The following TNRC6B variants were observed in gnomAD, a reference collection of about 807,000 sequenced individuals.
TNRC6B encodes trinucleotide repeat-containing gene 6B protein.
A neutral mutation model predicts 203.6 loss-of-function variants in TNRC6B; 52 were observed. That is an observed-to-expected ratio of 0.26 (90% confidence interval 0.20 to 0.32). TNRC6B has a LOEUF of 0.32. Ranked by LOEUF, TNRC6B falls within the 10% of genes least tolerant of loss-of-function variation. The pLI is 1.00. For synonymous variants in TNRC6B, 838 were observed against 845.7 expected, an observed-to-expected ratio of 0.99 and a Z score of 0.16; for missense variants, 1,923 against 2,286.2, an observed-to-expected ratio of 0.84 and a Z score of 3.24.
rs1375769527 is a variant in TNRC6B, at chr22:40,322,198, CTTTA to C, written c.5115-648_5115-645del. 3.9e-5 allele frequency among the ~76,000 whole-genome samples: 6 copies of C among 152,160 alleles called. No individual in the cohort carries two copies. The South Asian group carries it at 1.0e-3, about 26-fold the overall frequency. The stretch of plus-strand genomic sequence containing the variant: ...ATTTTTCTTTCCTTTTTATCTAAGG[CTTTA>C]TTTATTTTGTTTTAGAGCAGTTTTA... On this transcript the variant is annotated intron_variant, in intron 22 of 22. Transcript: ENST00000454349.
At chr22:40,132,178 T>A (rs1462239601) in intron 3 of TNRC6B, among the ~76,000 whole-genome samples, 1 of 152,072 alleles carries the variant, frequency 6.6e-6, no homozygotes, top group Non-Finnish European at 1.5e-5. Flanking sequence ...CAAAACCCCA[T>A]CTCTACTAAA....
At position 40,315,923 on chromosome 22, in the gene TNRC6B, T is replaced by C; in HGVS notation, c.4904-19T>C. 1 of 1,603,704 alleles carries C rather than the reference T, an allele frequency of 6.2e-7. No individual in the cohort carries two copies. Among genetic ancestry groups the C allele is most frequent in the Non-Finnish European group, 8.5e-7 (1 of 1,172,470 alleles). ...TTTGTTTTATTTCTCTTCCTAACCA[T>C]TTTTCTGGTTGCTCATAGCCTCTAC... is the stretch of plus-strand genomic sequence containing the variant. On this transcript the variant is annotated intron_variant, in intron 20 of 22. Coordinates refer to ENST00000454349, the MANE Select transcript of TNRC6B (RefSeq NM_001162501.2).
rs944873781 is a variant in TNRC6B at position 40,327,602 on chromosome 22, G to C, written c.*4361G>C. 2.0e-5 allele frequency: 3 copies of C among 152,460 alleles called. No homozygotes were observed. Among genetic ancestry groups the C allele is most frequent in the African/African-American group, 7.2e-5 (3 of 41,536 alleles). The allele number at this position is 152,460 out of a possible 1,614,324, so 9.4% of individuals were successfully genotyped here. On this transcript the variant is annotated 3_prime_UTR_variant, in exon 23 of 23. Coordinates refer to ENST00000454349, the MANE Select transcript of TNRC6B (RefSeq NM_001162501.2). Reference sequence around the variant, plus strand: ...AACTTGCTGGGAGCTTTGCTTTATTGGTTGGCAGTGACCTAAGAACAGGAT... The same window carrying C: ...AACTTGCTGGGAGCTTTGCTTTATTCGTTGGCAGTGACCTAAGAACAGGAT...
chr22:40,266,481 G>A lies in TNRC6B; in HGVS notation c.2251G>A (p.Glu751Lys). 6.2e-7 allele frequency: 1 copy of A among 1,613,808 alleles called. No homozygotes were observed. Among genetic ancestry groups the A allele is most frequent in the South Asian group, 1.1e-5 (1 of 91,070 alleles). ...GTCTTCTGGAAAGAATGGTTGGGGG[G>A]AGGAAGTCGATCAGACAAAAAACAG... Reference protein sequence around the residue: ...GWSSGKNGWGEEVDQTKNSNW... With the variant: ...GWSSGKNGWGKEVDQTKNSNW... The change falls in exon 5 of 23, where the codon GAG becomes AAG. Residue 751 changes from glutamate to lysine, a missense_variant. Glu to Lys is a moderately conservative substitution (Grantham distance 56, BLOSUM62 1). This residue lies in a region of TNRC6B where 599 missense variants were observed against 656.5 expected (regional missense o/e 0.91). Transcript: ENST00000454349.
intron 1 of TNRC6B, among the ~76,000 whole-genome samples, chr22:40,093,752 A>G (rs1054234452): frequency 2.6e-5 from 4 of 152,218 alleles, no homozygotes; most frequent in African/African-American, 7.2e-5. Context: ...TTGGAGTCAG[A>G]TAGTTTGAGC....
At chr22:40,254,177 C>T (rs2070235098) in intron 3 of TNRC6B, among the ~76,000 whole-genome samples, 1 of 152,062 alleles carries the variant, frequency 6.6e-6, no homozygotes, top group Admixed American at 6.6e-5. Flanking sequence ...ATAGAAAGCA[C>T]TTAAGGTAGA....
chr22:40,245,892 G>T (rs2070100303), intron 1 of TNRC6B, 123 bp from the exon 2 acceptor site: 3 of 558,528 alleles, frequency 5.4e-6, no homozygotes, highest in Non-Finnish European at 9.0e-6. Flanking sequence ...ATGAAATACT[G>T]TGTTCTATTC....
chr22:40,146,008 T>C (rs1041094800), intron 3 of TNRC6B, among the ~76,000 whole-genome samples: 1 of 151,976 alleles, frequency 6.6e-6, no homozygotes, highest in Non-Finnish European at 1.5e-5. Flanking sequence ...AATTTAATAG[T>C]GGAAACTGTG....
intron 11 of TNRC6B, among the ~76,000 whole-genome samples, chr22:40,282,795 A>G (rs754245570): frequency 6.6e-6 from 1 of 152,176 alleles, no homozygotes; most frequent in Non-Finnish European, 1.5e-5. Flanking sequence ...CTTCATATTA[A>G]TAAAATTTAA....
intron 1 of TNRC6B, among the ~76,000 whole-genome samples, chr22:40,237,173 A>G (rs986063700): frequency 3.9e-5 from 6 of 152,180 alleles, no homozygotes; most frequent in Non-Finnish European, 7.3e-5. Flanking sequence ...ACAAAAGTTG[A>G]TCTCTAACCT....
chr22:40,187,765 GC>G (rs1191291882), intron 1 of TNRC6B, among the ~76,000 whole-genome samples: 1 of 152,110 alleles, frequency 6.6e-6, no homozygotes, highest in Non-Finnish European at 1.5e-5. Context: ...TGTACTTTTT[GC>G]CGACCTGGGC....
At chr22:40,180,273 A>G (rs936936038) in intron 1 of TNRC6B, among the ~76,000 whole-genome samples, 2 of 152,106 alleles carry the variant, frequency 1.3e-5, no homozygotes, top group Non-Finnish European at 2.9e-5. Context: ...CCTATTTCCT[A>G]AAGTTGGTCT....
intron 1 of TNRC6B, among the ~76,000 whole-genome samples, chr22:40,223,709 C>T (rs908317356): frequency 3.9e-5 from 6 of 152,208 alleles, no homozygotes; most frequent in Non-Finnish European, 8.8e-5. Flanking sequence ...CCGTTACAAA[C>T]ATATTTTGCA....
chr22:40,101,083 C>G (rs2068236508), intron 1 of TNRC6B, among the ~76,000 whole-genome samples: 1 of 151,922 alleles, frequency 6.6e-6, no homozygotes, highest in Non-Finnish European at 1.5e-5. Context: ...ACATCCACCT[C>G]CCGGGCTCAA....
intron 1 of TNRC6B, among the ~76,000 whole-genome samples, chr22:40,070,673 A>G (rs901305194): frequency 3.3e-5 from 5 of 152,202 alleles, no homozygotes; most frequent in African/African-American, 7.2e-5. Flanking sequence ...AAAAAATGGT[A>G]TATTTCAGGA....
intron 1 of TNRC6B, among the ~76,000 whole-genome samples, chr22:40,091,790 A>G (rs1256608620): frequency 2.0e-5 from 3 of 152,108 alleles, no homozygotes; most frequent in African/African-American, 7.2e-5. Flanking sequence ...ATTATTGTCT[A>G]CTTCTGTGTC....
At chr22:40,059,229 C>T (rs1054235027) in intron 1 of TNRC6B, among the ~76,000 whole-genome samples, 7 of 152,202 alleles carry the variant, frequency 4.6e-5, no homozygotes, top group South Asian at 2.1e-4. Context: ...AAAGCCTTCT[C>T]GAAACTTTGT....
chr22:40,251,306 GTAAT>G, intron 3 of TNRC6B, 106 bp downstream of exon 3: 2 of 819,586 alleles, frequency 2.4e-6, no homozygotes, highest in South Asian at 4.0e-5. Context: ...TGGGCGTAGA[GTAAT>G]TAAGGTGGGT....
At chr22:40,302,359 G>A (rs368332906) in intron 15 of TNRC6B, among the ~76,000 whole-genome samples, 4 of 152,168 alleles carry the variant, frequency 2.6e-5, no homozygotes, top group Admixed American at 1.3e-4. Context: ...GTTGGGCCGC[G>A]CGCGGTGACT....
Sources: gnomAD v4.1 joint callset for allele counts (sites outside exome capture counted in the v4.1 genomes callset) on GRCh38, gnomAD v4.1.1 for gene constraint, gnomAD v4.1.1 regional missense constraint, MANE v1.5 for transcripts, NCBI Gene and HGNC (gene_info 2026-07-23, HGNC 2026-07-21) for gene names.